The following PPARG variants were observed in gnomAD, a reference collection of about 807,000 sequenced individuals.
PPARG encodes peroxisome proliferator-activated receptor gamma.
A neutral mutation model predicts 39.2 loss-of-function variants in PPARG; 17 were observed. The observed-to-expected ratio is 0.43, with a 90% confidence interval of 0.30 to 0.65. The LOEUF (loss-of-function observed/expected upper bound fraction) is 0.65. Among genes scored for constraint, PPARG ranks in the 30% least tolerant of loss-of-function variants. The pLI is 0.13. For synonymous variants in PPARG, 223 were observed against 215.7 expected, an observed-to-expected ratio of 1.03 and a Z score of -0.30; for missense variants, 406 against 585.9, an observed-to-expected ratio of 0.69 and a Z score of 3.17.
intron 2 of PPARG, among the ~76,000 whole-genome samples, chr3:12,348,032 GA>G (rs2048376804): frequency 6.6e-6 from 1 of 152,026 alleles, no homozygotes; most frequent in South Asian, 2.1e-4. Context: ...TCACACAAAA[GA>G]AAAAGCTATT....
chr3:12,413,094 AACATTGTACC>A lies in PPARG; in HGVS notation c.730-3598_730-3589del, dbSNP rs574316794. Among the ~76,000 whole-genome samples, 220 of 152,338 alleles carry A rather than the reference AACATTGTACC, an allele frequency of 1.4e-3. 7 individuals carry two copies. In the South Asian group the frequency reaches 0.045, roughly 31 times the overall value. On this transcript the variant is annotated intron_variant, in intron 6 of 7. Coordinates refer to ENST00000651735, the MANE Select transcript of PPARG (RefSeq NM_138711.6). ...TGGAAGTGCAGTACATTTTGTATGGAACATTGTACCACATTGTACCAAATGTCATGTTAAA... is the reference window on the plus strand; with the variant it reads ...TGGAAGTGCAGTACATTTTGTATGGAACATTGTACCAAATGTCATGTTAAA...
chr3:12,323,655 G>A (rs1335439141), intron 2 of PPARG, among the ~76,000 whole-genome samples: 2 of 152,064 alleles, frequency 1.3e-5, no homozygotes, highest in Non-Finnish European at 2.9e-5. Flanking sequence ...TGCTGCTGGT[G>A]CAAGGTTAAT....
chr3:12,331,958 C>A (rs1470056670), intron 2 of PPARG, among the ~76,000 whole-genome samples: 2 of 152,154 alleles, frequency 1.3e-5, no homozygotes, highest in African/African-American at 4.8e-5. Flanking sequence ...TATGTAGTGT[C>A]AAGGTTCAGA....
chr3:12,424,007 C>G (rs187925181), intron 7 of PPARG, among the ~76,000 whole-genome samples: 1 of 152,324 alleles, frequency 6.6e-6, no homozygotes, highest in Non-Finnish European at 1.5e-5. Context: ...TGAGGCTCCT[C>G]TCTTAGGCCA....
chr3:12,348,475 A>T (rs1381849482), intron 2 of PPARG, among the ~76,000 whole-genome samples: 1 of 152,200 alleles, frequency 6.6e-6, no homozygotes, highest in Non-Finnish European at 1.5e-5. Context: ...TTCAAATATC[A>T]TGAACTGGGG....
chr3:12,307,225 T>C (rs141517887), intron 1 of PPARG, among the ~76,000 whole-genome samples: 3 of 150,012 alleles, frequency 2.0e-5, no homozygotes, highest in East Asian at 2.0e-4. Context: ...CAATTGAATA[T>C]AGCAAATTTT....
At chr3:12,408,570 T>TC (rs1553648592) in intron 6 of PPARG, among the ~76,000 whole-genome samples, 1 of 109,014 alleles carries the variant, frequency 9.2e-6, no homozygotes, top group Non-Finnish European at 2.0e-5. Flanking sequence ...TTCTTTTCTT[T>TC]TTTTTTTTTT....
intron 2 of PPARG, chr3:12,328,101 AG>A: frequency 7.1e-7 from 1 of 1,415,778 alleles, no homozygotes. Context: ...ATGAAGGTGT[AG>A]GAAGAATGTT....
chr3:12,290,724 T>C (rs2046627432), intron 1 of PPARG, among the ~76,000 whole-genome samples: 1 of 152,172 alleles, frequency 6.6e-6, no homozygotes, highest in African/African-American at 2.4e-5. Flanking sequence ...ACAATAAGGA[T>C]GTTAGCCACT....
chr3:12,312,572 T>C (rs2047276769), intron 2 of PPARG, 119 bp downstream of exon 2: 1 of 152,208 alleles, frequency 6.6e-6, no homozygotes, highest in African/African-American at 2.4e-5. Flanking sequence ...TTGACTATTA[T>C]AATACTTTCT....
intron 2 of PPARG, among the ~76,000 whole-genome samples, chr3:12,342,425 A>G (rs191621459): frequency 6.6e-6 from 1 of 152,220 alleles, no homozygotes; most frequent in African/African-American, 2.4e-5. Context: ...GAGCAAACCA[A>G]CTATAAAGAA....
intron 5 of PPARG, among the ~76,000 whole-genome samples, chr3:12,402,494 G>A (rs1040728285): frequency 4.6e-5 from 7 of 152,108 alleles, no homozygotes; most frequent in African/African-American, 1.7e-4. Context: ...TAGGAACAAA[G>A]ATGAGAAAAC....
chr3:12,312,706 C>G (rs2047281037), intron 2 of PPARG, among the ~76,000 whole-genome samples: 1 of 151,800 alleles, frequency 6.6e-6, no homozygotes, highest in South Asian at 2.1e-4. Context: ...AAATGAATCT[C>G]TAATTAAAGT....
chr3:12,417,037 C>A lies in PPARG; in HGVS notation c.1063C>A (p.Arg355=), dbSNP rs780238349. The A allele has an allele frequency of 1.1e-5, 18 of 1,612,772 alleles. No individual in the cohort carries two copies. In the South Asian group the frequency reaches 1.6e-4, roughly 15 times the overall value. ...GACAAGGGAGTTTCTAAAGAGCCTG[C>A]GAAAGCCTTTTGGTGACTTTATGGA... ...FMTREFLKSL[R]KPFGDFMEPK... The change falls in exon 7 of 8, where the codon CGA becomes AGA. Residue 355 remains arginine (R), a synonymous_variant. Transcript: ENST00000651735.
chr3:12,327,958 A>G, intron 2 of PPARG: 2 of 737,596 alleles, frequency 2.7e-6, no homozygotes, highest in Non-Finnish European at 4.8e-6. Context: ...TGGAAAGGTA[A>G]AATGGGAATA....
intron 2 of PPARG, among the ~76,000 whole-genome samples, chr3:12,313,932 G>A (rs1192683298): frequency 6.6e-6 from 1 of 152,170 alleles, no homozygotes; most frequent in African/African-American, 2.4e-5. Flanking sequence ...GAAAATTGTT[G>A]TCACAAAGCC....
intron 7 of PPARG, among the ~76,000 whole-genome samples, chr3:12,417,491 T>G (rs2051103094): frequency 6.6e-6 from 1 of 152,220 alleles, no homozygotes. Context: ...GTCTAATCTT[T>G]GGTTCCTGTA....
At chr3:12,414,034 A>G (rs1305981493) in intron 6 of PPARG, among the ~76,000 whole-genome samples, 1 of 152,162 alleles carries the variant, frequency 6.6e-6, no homozygotes, top group Non-Finnish European at 1.5e-5. Context: ...CTGGAGCTTT[A>G]TATGAGGGGA....
chr3:12,290,287 G>C (rs1034937134), intron 1 of PPARG, among the ~76,000 whole-genome samples: 1 of 151,904 alleles, frequency 6.6e-6, no homozygotes, highest in Admixed American at 6.5e-5. Flanking sequence ...ATAAAGTTTT[G>C]TAGAATCCCA....
Sources: allele counts gnomAD v4.1 joint callset (sites outside exome capture counted in the v4.1 genomes callset), GRCh38; gene constraint gnomAD v4.1.1; transcripts MANE v1.5; gene names NCBI Gene and HGNC (gene_info 2026-07-23, HGNC 2026-07-21).